The following EFNA4 variants were observed in gnomAD, a reference collection of about 807,000 sequenced individuals.
The protein encoded by EFNA4 is ephrin A4, also known as ephrin-A4.
In EFNA4, 22 loss-of-function variants were observed where a neutral mutation model predicts 23.7. The observed-to-expected ratio is 0.93, with a 90% confidence interval of 0.66 to 1.32. EFNA4 has a LOEUF of 1.32. Among genes scored for constraint, EFNA4 ranks in the 40% most tolerant of loss-of-function variants. The pLI is 0.00. For missense variants in EFNA4, 252 were observed against 252.3 expected, an observed-to-expected ratio of 1.00 and a Z score of 0.01; for synonymous variants, 113 against 108.3, an observed-to-expected ratio of 1.04 and a Z score of -0.27.
In EFNA4 at chr1:155,064,045, C is replaced by T; in HGVS notation, c.113+109C>T. The T allele has an allele frequency of 2.2e-6, 2 of 915,482 alleles. 1 individual carries two copies. Among genetic ancestry groups the T allele is most frequent in the Non-Finnish European group, 3.1e-6 (2 of 654,168 alleles). 56.7% of individuals were successfully genotyped at this position (915,482 alleles called of 1,614,324 possible). A position where few individuals can be genotyped will look rare whatever the true frequency, so the allele number is the denominator to read the frequency against. The stretch of plus-strand genomic sequence containing the variant: ...GGCGCCGCCTGAGCCTGGCCGCGCG[C>T]CGGGGCTCCTTTGTTTGAGCCGGCG... On this transcript the variant is annotated intron_variant, in intron 1 of 3. Coordinates refer to ENST00000368409, the MANE Select transcript of EFNA4 (RefSeq NM_005227.3).
intron 2 of EFNA4, 47 bp downstream of exon 2, chr1:155,067,063 T>A: frequency 6.5e-7 from 1 of 1,548,858 alleles, no homozygotes; most frequent in Non-Finnish European, 8.7e-7. Context: ...ACCAGAAGGG[T>A]AGGGAGGGGG....
At position 155,069,358 on chromosome 1, in the gene EFNA4, C is replaced by A; in HGVS notation, c.*369C>A. On this transcript the variant is annotated 3_prime_UTR_variant, in exon 4 of 4. Transcript: ENST00000368409. ...GGACAGGTCGATTGCTGGACCAGGG[C>A]AAAGAAGAAGCCCTGCCATCTGTGC... 1 of 638,658 alleles carries A rather than the reference C, an allele frequency of 1.6e-6. No individual in the cohort carries two copies. 39.6% of individuals were successfully genotyped at this position (638,658 alleles called of 1,614,324 possible). A position where few individuals can be genotyped will look rare whatever the true frequency, so the allele number is the denominator to read the frequency against.
chr1:155,069,061 C>T lies in EFNA4; in HGVS notation c.*72C>T, dbSNP rs1158978226. 1 of 1,612,266 alleles carries T rather than the reference C, an allele frequency of 6.2e-7. No homozygotes were observed. The highest frequency in any genetic ancestry group is 1.7e-5 in the Admixed American group (1 of 59,420). ...AGATCCCCTGGAGGAGGAGGGATCC[C>T]TGCTGCCTGCACTGGGGGTGCCAAT... On this transcript the variant is annotated 3_prime_UTR_variant, in exon 4 of 4. Coordinates refer to ENST00000368409, the MANE Select transcript of EFNA4 (RefSeq NM_005227.3).
Position 155,063,973 on chromosome 1 carries a change from C to T in EFNA4, c.113+37C>T. ...GAACCGGGCGAGCGCACAGCCAAGT[C>T]TGCGCGCTCCCGGGCTTTGCGCGCG... On this transcript the variant is annotated intron_variant, in intron 1 of 3. Coordinates refer to ENST00000368409, the MANE Select transcript of EFNA4 (RefSeq NM_005227.3). The surrounding 1 kb of genome is among the most constrained non-coding windows in gnomAD (Gnocchi z 4.1). 6.7e-7 allele frequency: 1 copy of T among 1,498,444 alleles called. No homozygotes were observed. The highest frequency in any genetic ancestry group is 1.2e-5 in the South Asian group (1 of 80,050). The allele number at this position is 1,498,444 out of a possible 1,614,324, so 92.8% of individuals were successfully genotyped here.
At chr1:155,067,264 C>G in intron 2 of EFNA4, 108 bp from the exon 3 acceptor site, 1 of 1,368,212 alleles carries the variant, frequency 7.3e-7, no homozygotes, top group Non-Finnish European at 1.0e-6. Context: ...TAAGGAAACG[C>G]TTTCCAGGGA....
At chr1:155,068,821 G>A in intron 3 of EFNA4, 32 bp from the exon 4 acceptor site, 2 of 1,575,974 alleles carry the variant, frequency 1.3e-6, no homozygotes, top group Non-Finnish European at 1.7e-6. Flanking sequence ...AAAGTGGGAG[G>A]ACTGATCAGT....
rs532664020 is a variant in EFNA4, at chr1:155,068,890, G to C, written c.507G>C (p.Glu169Asp). Residue 169 changes from glutamate (E) to aspartate (D), a missense_variant, in exon 4 of 4, where the codon GAG (glutamate) becomes GAC (aspartate). Physicochemically the swap from Glu to Asp is conservative, Grantham distance 45. Transcript: ENST00000368409. ...ESAHPVGSPG[E>D]SGTSGWRGGD... ...CCCATCCTGTTGGGAGCCCTGGAGA[G>C]AGTGGCACATCAGGGTGGCGAGGGG... The C allele has an allele frequency of 2.5e-6, 4 of 1,613,970 alleles. No individual in the cohort carries two copies. The South Asian group carries it at 4.4e-5, about 18-fold the overall frequency.
At chr1:155,068,830 G>A (rs752137158) in intron 3 of EFNA4, 23 bp from the exon 4 acceptor site, 37 of 1,601,616 alleles carry the variant, frequency 2.3e-5, no homozygotes, top group Non-Finnish European at 3.0e-5. Flanking sequence ...GGACTGATCA[G>A]TGCTACCCCC....
Position 155,065,733 on chromosome 1 carries a change from TTTATTTATTTA to T in EFNA4, c.114-994_114-984del, listed in dbSNP as rs1571652083. 4.1e-5 allele frequency among the ~76,000 whole-genome samples: 6 copies of T among 145,578 alleles called. No individual in the cohort carries two copies. In the South Asian group the frequency reaches 6.5e-4, roughly 16 times the overall value. The stretch of plus-strand genomic sequence containing the variant: ...ATTTATTTATTTATTTATTTATTTA[TTTATTTATTTA>T]TTTTTTGAGATGGAGTCTCGCTCTG... On this transcript the variant is annotated intron_variant, in intron 1 of 3. Transcript: ENST00000368409.
chr1:155,067,030 G>C lies in EFNA4; in HGVS notation c.400+14G>C. On this transcript the variant is annotated intron_variant, in intron 2 of 3. Transcript: ENST00000368409. ...ACTACTACATCTGTGAGTGGCCAAG[G>C]GCACACTGGACACCTCTTGTGTACC... 1 of 1,591,862 alleles carries C rather than the reference G, an allele frequency of 6.3e-7. No homozygotes were observed. Among genetic ancestry groups the C allele is most frequent in the Non-Finnish European group, 8.6e-7 (1 of 1,167,992 alleles).
chr1:155,064,711 A>G (rs778123722), intron 1 of EFNA4, among the ~76,000 whole-genome samples: 1 of 151,900 alleles, frequency 6.6e-6, no homozygotes, highest in Non-Finnish European at 1.5e-5. Flanking sequence ...CCTATTTCCT[A>G]TCTGTTTTTC....
At position 155,068,914 on chromosome 1, in the gene EFNA4, G is replaced by C; in HGVS notation, c.531G>C (p.Gly177=). ...AGAGTGGCACATCAGGGTGGCGAGG[G>C]GGGGACACTCCCAGCCCCCTCTGTC... The part of the protein sequence containing the change: ...PGESGTSGWR[G]GDTPSPLCLL... The change falls in exon 4 of 4, where the codon GGG becomes GGC. Residue 177 remains glycine, a synonymous_variant. Transcript: ENST00000368409. The C allele has an allele frequency of 6.2e-7, 1 of 1,614,062 alleles. No individual in the cohort carries two copies. The highest frequency in any genetic ancestry group is 8.5e-7 in the Non-Finnish European group (1 of 1,179,994).
rs1322354491 is a variant in EFNA4, at chr1:155,063,864, C to T, written c.41C>T (p.Ala14Val). The T allele has an allele frequency of 1.3e-6, 2 of 1,555,184 alleles. No individual in the cohort carries two copies. Among genetic ancestry groups the T allele is most frequent in the South Asian group, 2.4e-5 (2 of 83,856 alleles). ...CTGCTGCGGACTGTCCTCTGGGCCGCGTTCCTCGGCTCCCCTCTGCGCGGG... is the reference window on the plus strand; with the variant it reads ...CTGCTGCGGACTGTCCTCTGGGCCGTGTTCCTCGGCTCCCCTCTGCGCGGG... ...LPLLRTVLWA[A>V]FLGSPLRGGS... The change falls in exon 1 of 4, where the codon GCG becomes GTG. Residue 14 changes from alanine to valine, a missense_variant. By Grantham distance (64) the Ala-to-Val change is moderately conservative. Transcript: ENST00000368409. The surrounding 1 kb of genome is among the most constrained non-coding windows in gnomAD (Gnocchi z 4.1).
At position 155,067,018 on chromosome 1, in the gene EFNA4, TGA is replaced by T; in HGVS notation, c.400+4_400+5del. On this transcript the variant is annotated splice_donor_region_variant and intron_variant, in intron 2 of 3. Coordinates refer to ENST00000368409, the MANE Select transcript of EFNA4 (RefSeq NM_005227.3). Reference sequence around the variant, plus strand: ...CTGGAGAGACTTACTACTACATCTGTGAGTGGCCAAGGGCACACTGGACACCT... The same window carrying T: ...CTGGAGAGACTTACTACTACATCTGTGTGGCCAAGGGCACACTGGACACCT... 1 of 1,601,114 alleles carries T rather than the reference TGA, an allele frequency of 6.2e-7. No individual in the cohort carries two copies. Among genetic ancestry groups the T allele is most frequent in the Admixed American group, 1.7e-5 (1 of 58,656 alleles).
At position 155,069,338 on chromosome 1, in the gene EFNA4, G is replaced by A; in HGVS notation, c.*349G>A. The stretch of plus-strand genomic sequence containing the variant: ...GGCCCAGGCTGAAGACCTGGGGACA[G>A]GTCGATTGCTGGACCAGGGCAAAGA... On this transcript the variant is annotated 3_prime_UTR_variant, in exon 4 of 4. Transcript: ENST00000368409. 1 of 744,446 alleles carries A rather than the reference G, an allele frequency of 1.3e-6. No homozygotes were observed. Among genetic ancestry groups the A allele is most frequent in the Non-Finnish European group, 2.0e-6 (1 of 490,472 alleles). The allele number at this position is 744,446 out of a possible 1,614,324, so 46.1% of individuals were successfully genotyped here. A position where few individuals can be genotyped will look rare whatever the true frequency, so the allele number is the denominator to read the frequency against.
Position 155,066,891 on chromosome 1 carries a change from G to A in EFNA4, c.275G>A (p.Arg92Gln), listed in dbSNP as rs142999275. Reference sequence around the variant, plus strand: ...GAGTCCTGCCAGGCAGAGGGCCCCCGGGCCTACAAGCGCTGGGTGTGCTCC... The same window carrying A: ...GAGTCCTGCCAGGCAGAGGGCCCCCAGGCCTACAAGCGCTGGGTGTGCTCC... ...GYESCQAEGPRAYKRWVCSLP... is the reference protein window; with the variant it reads ...GYESCQAEGPQAYKRWVCSLP... The change falls in exon 2 of 4, where the codon CGG (arginine) becomes CAG (glutamine). Residue 92 changes from arginine to glutamine, a missense_variant. Coordinates refer to ENST00000368409, the MANE Select transcript of EFNA4 (RefSeq NM_005227.3). 14 of 1,613,986 alleles carry A rather than the reference G, an allele frequency of 8.7e-6. No homozygotes were observed. Among genetic ancestry groups the A allele is most frequent in the African/African-American group, 6.7e-5 (5 of 74,930 alleles).
At position 155,063,760 on chromosome 1, in the gene EFNA4, T is replaced by A; in HGVS notation, c.-64T>A. The A allele has an allele frequency of 1.4e-6, 2 of 1,385,906 alleles. No individual in the cohort carries two copies. Among genetic ancestry groups the A allele is most frequent in the Non-Finnish European group, 1.9e-6 (2 of 1,044,478 alleles). The allele number at this position is 1,385,906 out of a possible 1,614,324, so 85.9% of individuals were successfully genotyped here. A position where few individuals can be genotyped will look rare whatever the true frequency, so the allele number is the denominator to read the frequency against. On this transcript the variant is annotated 5_prime_UTR_variant, in exon 1 of 4. Coordinates refer to ENST00000368409, the MANE Select transcript of EFNA4 (RefSeq NM_005227.3). This position sits in a 1 kb window ranked among gnomAD's most constrained non-coding sequence, Gnocchi z 4.1. ...AACTTCCCTCTTCACTTTGTACCTTTCTCTCCTCGACTGTGAAGCGGGCCG... is the reference window on the plus strand; with the variant it reads ...AACTTCCCTCTTCACTTTGTACCTTACTCTCCTCGACTGTGAAGCGGGCCG...
rs539593653 is a variant in EFNA4, at chr1:155,063,742, C to T, written c.-82C>T. The T allele has an allele frequency of 3.7e-4, 472 of 1,281,448 alleles. 3 individuals are homozygous for T. Among genetic ancestry groups the T allele is most frequent in the Admixed American group, 6.0e-4 (18 of 29,808 alleles). 79.4% of individuals were successfully genotyped at this position (1,281,448 alleles called of 1,614,324 possible). On this transcript the variant is annotated 5_prime_UTR_variant, in exon 1 of 4. Transcript: ENST00000368409. The surrounding 1 kb of genome is among the most constrained non-coding windows in gnomAD (Gnocchi z 4.1). The stretch of plus-strand genomic sequence containing the variant: ...CCCCACTCCCCTTTCCGCAACTTCC[C>T]TCTTCACTTTGTACCTTTCTCTCCT...
intron 1 of EFNA4, among the ~76,000 whole-genome samples, chr1:155,065,346 T>C (rs954394123): frequency 6.6e-6 from 1 of 152,116 alleles, no homozygotes; most frequent in African/African-American, 2.4e-5. Flanking sequence ...CATTCAGTAC[T>C]GTGGGGAGCA....
Sources: gnomAD v4.1 joint callset for allele counts (sites outside exome capture counted in the v4.1 genomes callset) on GRCh38, gnomAD v4.1.1 for gene constraint, Gnocchi (gnomAD v3.1) non-coding constraint, MANE v1.5 for transcripts, NCBI Gene and HGNC (gene_info 2026-07-23, HGNC 2026-07-21) for gene names.